TCF15: variants seen among roughly 807,000 people sequenced by gnomAD.
TCF15 encodes TCF-15.
A neutral mutation model predicts 11.1 loss-of-function variants in TCF15; 7 were observed. The ratio of observed to expected loss-of-function variants is 0.63; its 90% CI spans 0.36 to 1.19. TCF15 has a LOEUF of 1.19. Among genes scored for constraint, TCF15 ranks in the 50% most tolerant of loss-of-function variants. The pLI, the probability that TCF15 is intolerant of heterozygous loss-of-function variation, is 0.02. For missense variants in TCF15, 288 were observed against 289.4 expected (o/e 1.00, Z 0.03); for synonymous variants, 144 against 138.9 (o/e 1.04, Z -0.26).
chr20:610,046 GCCGCCGCCGCCGCCCGC>G lies in TCF15; in HGVS notation c.175_191del (p.Ala59ArgfsTer116). On this transcript the variant is annotated frameshift_variant, in exon 1 of 2. Coordinates refer to ENST00000246080, the MANE Select transcript of TCF15 (RefSeq NM_004609.4). LOFTEE classifies it high-confidence loss of function. ...GTCGCACCACCACCACGGGGCCCGCGCCGCCGCCGCCGCCCGCCCGCCGCCCGCCCCCGGGGCCCGGG... is the reference window on the plus strand; with the variant it reads ...GTCGCACCACCACCACGGGGCCCGCGCCGCCGCCCGCCCCCGGGGCCCGGG... 8.9e-7 allele frequency: 1 copy of G among 1,126,540 alleles called. No individual in the cohort carries two copies. The highest frequency in any genetic ancestry group is 1.1e-6 in the Non-Finnish European group (1 of 921,664). 69.8% of individuals were successfully genotyped at this position (1,126,540 alleles called of 1,614,324 possible). A position where few individuals can be genotyped will look rare whatever the true frequency, so the allele number is the denominator to read the frequency against.
chr20:610,304 C>A lies in TCF15; in HGVS notation c.-67G>T. ...GGCCGCGCCCCGCCGTGCGCTCCCGCGCGCTCCCACGGCCCCGCCGGCCCC... is the reference window on the plus strand; with the variant it reads ...GGCCGCGCCCCGCCGTGCGCTCCCGAGCGCTCCCACGGCCCCGCCGGCCCC... On this transcript the variant is annotated 5_prime_UTR_variant, in exon 1 of 2. Transcript: ENST00000246080. The A allele has an allele frequency of 1.0e-6, 1 of 985,038 alleles. No individual in the cohort carries two copies. Among genetic ancestry groups the A allele is most frequent in the Non-Finnish European group, 1.2e-6 (1 of 829,284 alleles). 61.0% of individuals were successfully genotyped at this position (985,038 alleles called of 1,614,324 possible).
chr20:606,701 C>T (rs988295005), intron 1 of TCF15, among the ~76,000 whole-genome samples: 1 of 152,002 alleles, frequency 6.6e-6, no homozygotes, highest in East Asian at 1.9e-4. Context: ...ACCTGTAATC[C>T]CAGCTACTTG....
At position 604,556 on chromosome 20, in the gene TCF15, G is replaced by T; in HGVS notation, c.*35C>A. On this transcript the variant is annotated 3_prime_UTR_variant, in exon 2 of 2. Coordinates refer to ENST00000246080, the MANE Select transcript of TCF15 (RefSeq NM_004609.4). This position sits in a 1 kb window ranked among gnomAD's most constrained non-coding sequence, Gnocchi z 4.2. ...GGGTCTTCTTCCCTGTCCAGCCAGT[G>T]GCTGGCTCCTGGCCTCCTTCTCCAG... 6.5e-7 allele frequency: 1 copy of T among 1,538,598 alleles called. No individual in the cohort carries two copies. Among genetic ancestry groups the T allele is most frequent in the Non-Finnish European group, 8.8e-7 (1 of 1,135,566 alleles).
At chr20:608,538 G>A (rs572893079) in intron 1 of TCF15, among the ~76,000 whole-genome samples, 2 of 151,396 alleles carry the variant, frequency 1.3e-5, no homozygotes, top group Admixed American at 1.3e-4. Context: ...TAAGAAGACC[G>A]ACGATTCAGG....
In TCF15 at chr20:604,466, G is replaced by T; in HGVS notation, c.*125C>A. On this transcript the variant is annotated 3_prime_UTR_variant, in exon 2 of 2. Transcript: ENST00000246080. This position sits in a 1 kb window ranked among gnomAD's most constrained non-coding sequence, Gnocchi z 4.2. ...GGAGATGTCCCGAGGGCCCTGCCCA[G>T]AGTGTCCCGGAACAGGCCATGGTCC... 1 of 878,292 alleles carries T rather than the reference G, an allele frequency of 1.1e-6. No homozygotes were observed. Among genetic ancestry groups the T allele is most frequent in the Non-Finnish European group, 1.9e-6 (1 of 538,900 alleles). 54.4% of individuals were successfully genotyped at this position (878,292 alleles called of 1,614,324 possible). A position where few individuals can be genotyped will look rare whatever the true frequency, so the allele number is the denominator to read the frequency against.
At chr20:605,399 C>T (rs187480678) in intron 1 of TCF15, among the ~76,000 whole-genome samples, 4 of 152,202 alleles carry the variant, frequency 2.6e-5, no homozygotes, top group Non-Finnish European at 4.4e-5. Context: ...CAGGAATGTG[C>T]TCTCAGGTCT....
In TCF15 at chr20:609,475, A is replaced by C. The variant is rs989582834; in HGVS notation, c.525+238T>G. Among the ~76,000 whole-genome samples the C allele has an allele frequency of 6.6e-6, 1 of 152,096 alleles. No homozygotes were observed. Among genetic ancestry groups the C allele is most frequent in the Non-Finnish European group, 1.5e-5 (1 of 68,008 alleles). ...TCCAGCACACCTTTCGTTGGAGGGG[A>C]TATCCCACACTGAGCAGTTAAATCA... is the stretch of plus-strand genomic sequence containing the variant. On this transcript the variant is annotated intron_variant, in intron 1 of 1. Transcript: ENST00000246080. The surrounding 1 kb of genome is among the most constrained non-coding windows in gnomAD (Gnocchi z 4.7).
chr20:604,886 C>T lies in TCF15; in HGVS notation c.526-221G>A, dbSNP rs915183688. ...ACAAAAGCAAGGGGCAGGCTGAATG[C>T]GCCTGTGTGCTGTGATTGCTGGGGA... On this transcript the variant is annotated intron_variant, in intron 1 of 1. Transcript: ENST00000246080. This position sits in a 1 kb window ranked among gnomAD's most constrained non-coding sequence, Gnocchi z 4.2. Among the ~76,000 whole-genome samples, 3 of 152,192 alleles carry T rather than the reference C, an allele frequency of 2.0e-5. No individual in the cohort carries two copies. The highest frequency in any genetic ancestry group is 2.4e-5 in the African/African-American group (1 of 41,442).
At position 604,624 on chromosome 20, in the gene TCF15, C is replaced by T. The variant is rs1427892833; in HGVS notation, c.567G>A (p.Arg189=). The stretch of plus-strand genomic sequence containing the variant: ...GTGGCCCTCGAAGGGGGGCCACCCC[C>T]CTCACCTTCAAGCAGCTGCCCCCCA... The part of the protein sequence containing the change: ...RDLGGSCLKV[R]GVAPLRGPRR Residue 189 remains arginine, a synonymous_variant, in exon 2 of 2, where the codon AGG becomes AGA. Transcript: ENST00000246080. The surrounding 1 kb of genome is among the most constrained non-coding windows in gnomAD (Gnocchi z 4.2). The T allele has an allele frequency of 1.3e-6, 2 of 1,554,358 alleles. No individual in the cohort carries two copies. Among genetic ancestry groups the T allele is most frequent in the Non-Finnish European group, 1.7e-6 (2 of 1,148,368 alleles).
In TCF15 at chr20:610,202, G is replaced by T; in HGVS notation, c.36C>A (p.His12Gln). ...GCAGCCGCACGTCCGGGTACAGCAC[G>T]TGCGCGCCGACGGGCCGCAGCAGCG... is the stretch of plus-strand genomic sequence containing the variant. ...AFALLRPVGA[H>Q]VLYPDVRLLS... The change falls in exon 1 of 2, where the codon CAC becomes CAA. Residue 12 changes from histidine (H) to glutamine (Q), a missense_variant. By Grantham distance (24) the His-to-Gln change is conservative. Transcript: ENST00000246080. 6 of 1,033,136 alleles carry T rather than the reference G, an allele frequency of 5.8e-6. No individual in the cohort carries two copies. The highest frequency in any genetic ancestry group is 5.8e-6 in the Non-Finnish European group (5 of 857,546). The allele number at this position is 1,033,136 out of a possible 1,614,324, so 64.0% of individuals were successfully genotyped here.
chr20:610,041 C>A lies in TCF15; in HGVS notation c.197G>T (p.Gly66Val), dbSNP rs1339391801. The change falls in exon 1 of 2, where the codon GGC becomes GTC. Residue 66 changes from glycine to valine, a missense_variant. Physicochemically the swap from Gly to Val is moderately radical, Grantham distance 109 (BLOSUM62 -3). Coordinates refer to ENST00000246080, the MANE Select transcript of TCF15 (RefSeq NM_004609.4). ...GRRAGGGGGA[G>V]PVVVVRQRQA... is the part of the protein sequence containing the mutation. ...CCGCTGTCGCACCACCACCACGGGG[C>A]CCGCGCCGCCGCCGCCGCCCGCCCG... The A allele has an allele frequency of 1.0e-5, 12 of 1,179,382 alleles. No homozygotes were observed. The highest frequency in any genetic ancestry group is 1.2e-5 in the Non-Finnish European group (11 of 955,110). 73.1% of individuals were successfully genotyped at this position (1,179,382 alleles called of 1,614,324 possible).
intron 1 of TCF15, among the ~76,000 whole-genome samples, chr20:607,192 C>A (rs1239143171): frequency 6.6e-6 from 1 of 152,178 alleles, no homozygotes; most frequent in Non-Finnish European, 1.5e-5. Context: ...CAGGGGAGAG[C>A]CTTACAAGAT....
In TCF15 at chr20:604,709, G is replaced by C. The variant is rs1332254407; in HGVS notation, c.526-44C>G. 6.2e-6 allele frequency: 9 copies of C among 1,453,640 alleles called. No individual in the cohort carries two copies. Among genetic ancestry groups the C allele is most frequent in the Non-Finnish European group, 8.3e-6 (9 of 1,077,880 alleles). The allele number at this position is 1,453,640 out of a possible 1,614,324, so 90.0% of individuals were successfully genotyped here. A position where few individuals can be genotyped will look rare whatever the true frequency, so the allele number is the denominator to read the frequency against. ...AGTATAAAGAGGTTCGATTAGGCCA[G>C]TGTGAACACTGGAACTAACCTCTGT... On this transcript the variant is annotated intron_variant, in intron 1 of 1. Transcript: ENST00000246080. This position sits in a 1 kb window ranked among gnomAD's most constrained non-coding sequence, Gnocchi z 4.2.
Position 604,688 on chromosome 20 carries a change from T to C in TCF15, c.526-23A>G, listed in dbSNP as rs2019958151. The C allele has an allele frequency of 1.3e-6, 2 of 1,541,400 alleles. No homozygotes were observed. The stretch of plus-strand genomic sequence containing the variant: ...ACCCTGCAGAGGGGGAGAAAGAGTA[T>C]AAAGAGGTTCGATTAGGCCAGTGTG... On this transcript the variant is annotated intron_variant, in intron 1 of 1. Coordinates refer to ENST00000246080, the MANE Select transcript of TCF15 (RefSeq NM_004609.4). The surrounding 1 kb of genome is among the most constrained non-coding windows in gnomAD (Gnocchi z 4.2).
intron 1 of TCF15, among the ~76,000 whole-genome samples, chr20:607,559 C>G (rs2019986628): frequency 1.3e-5 from 2 of 152,198 alleles, no homozygotes; most frequent in Non-Finnish European, 2.9e-5. Context: ...CAGAGGAGAC[C>G]GTGGGGTTGA....
chr20:605,008 T>C (rs1446888211), intron 1 of TCF15, among the ~76,000 whole-genome samples: 1 of 152,160 alleles, frequency 6.6e-6, no homozygotes, highest in Non-Finnish European at 1.5e-5. Context: ...ATACTGTTTT[T>C]TGAGATGGAG....
rs45527544 is a variant in TCF15 at position 609,102 on chromosome 20, G to A, written c.525+611C>T. On this transcript the variant is annotated intron_variant, in intron 1 of 1. Coordinates refer to ENST00000246080, the MANE Select transcript of TCF15 (RefSeq NM_004609.4). The surrounding 1 kb of genome is among the most constrained non-coding windows in gnomAD (Gnocchi z 4.7). ...TTCACTCCTACTGCTCATCCGCTGGGTACCTCAGGCTCTCGGTTGGCGGTT... is the reference window on the plus strand; with the variant it reads ...TTCACTCCTACTGCTCATCCGCTGGATACCTCAGGCTCTCGGTTGGCGGTT... 0.011 allele frequency among the ~76,000 whole-genome samples: 1,741 copies of A among 152,160 alleles called. 32 individuals are homozygous for A. The highest frequency in any genetic ancestry group is 0.04 in the African/African-American group (1,668 of 41,510).
chr20:609,704 C>A lies in TCF15; in HGVS notation c.525+9G>T. 7.4e-7 allele frequency: 1 copy of A among 1,360,160 alleles called. No homozygotes were observed. The allele number at this position is 1,360,160 out of a possible 1,614,324, so 84.3% of individuals were successfully genotyped here. ...CTGGCGGCCGCAGCGAGGGACGCAG[C>A]ACACTCACCCCCTTGCGCTGGTTGC... On this transcript the variant is annotated intron_variant, in intron 1 of 1. Transcript: ENST00000246080. The surrounding 1 kb of genome is among the most constrained non-coding windows in gnomAD (Gnocchi z 4.7).
intron 1 of TCF15, among the ~76,000 whole-genome samples, chr20:605,297 G>A (rs1408576575): frequency 6.6e-6 from 1 of 152,198 alleles, no homozygotes; most frequent in African/African-American, 2.4e-5. Flanking sequence ...TCCTCCCCCT[G>A]CCTGACTGCA....
Sources: gnomAD v4.1 joint callset for allele counts (sites outside exome capture counted in the v4.1 genomes callset) on GRCh38, gnomAD v4.1.1 for gene constraint, Gnocchi (gnomAD v3.1) non-coding constraint, MANE v1.5 for transcripts, NCBI Gene and HGNC (gene_info 2026-07-23, HGNC 2026-07-21) for gene names.